The following GLP2R variants were observed in gnomAD, a reference collection of about 807,000 sequenced individuals.
GLP2R encodes glucagon like peptide 2 receptor, also known as glucagon-like peptide 2 receptor.
In GLP2R, 59 loss-of-function variants were observed where a neutral mutation model predicts 68.2. The ratio of observed to expected loss-of-function variants is 0.87; its 90% CI spans 0.70 to 1.07. The LOEUF (loss-of-function observed/expected upper bound fraction) is 1.07. Ranked by LOEUF, GLP2R falls within the 50% of genes least tolerant of loss-of-function variation. GLP2R has a pLI of 0.00. For missense variants in GLP2R, 548 were observed against 677.4 expected, an observed-to-expected ratio of 0.81 and a Z score of 2.12; for synonymous variants, 270 against 265.4, an observed-to-expected ratio of 1.02 and a Z score of -0.17.
intron 3 of GLP2R, among the ~76,000 whole-genome samples, chr17:9,841,840 A>G (rs2066790071): frequency 6.6e-6 from 1 of 152,194 alleles, no homozygotes. Flanking sequence ...TTGCAAGCTC[A>G]GCCTCTAATC....
At chr17:9,836,206 C>T (rs1261516308) in intron 2 of GLP2R, among the ~76,000 whole-genome samples, 165 bp from the exon 3 acceptor site, 2 of 152,216 alleles carry the variant, frequency 1.3e-5, no homozygotes, top group African/African-American at 4.8e-5. Flanking sequence ...CAAATCATTC[C>T]CCATCCTTGA....
intron 1 of GLP2R, among the ~76,000 whole-genome samples, chr17:9,828,996 T>A (rs907052000): frequency 7.9e-5 from 12 of 152,224 alleles, no homozygotes; most frequent in African/African-American, 2.9e-4. Flanking sequence ...TAGATGTTTA[T>A]ATTACAAGGC....
At chr17:9,873,752 A>G (rs2067119421) in intron 10 of GLP2R, among the ~76,000 whole-genome samples, 1 of 152,004 alleles carries the variant, frequency 6.6e-6, no homozygotes, top group African/African-American at 2.4e-5. Flanking sequence ...TGTTCTATTG[A>G]AAGAACACAT....
At chr17:9,875,798 C>A (rs775337613) in intron 10 of GLP2R, among the ~76,000 whole-genome samples, 55 of 152,332 alleles carry the variant, frequency 3.6e-4, no homozygotes, top group Middle Eastern at 3.4e-3. Context: ...CTCTCTTCCC[C>A]TAGATAAAGG....
At chr17:9,871,343 CAA>C (rs34449375) in intron 10 of GLP2R, among the ~76,000 whole-genome samples, 144 of 95,622 alleles carry the variant, frequency 1.5e-3, no homozygotes, top group Admixed American at 1.6e-3. Context: ...GACCCTGTCT[CAA>C]AAAAAAAAAA....
intron 10 of GLP2R, among the ~76,000 whole-genome samples, chr17:9,876,752 C>G (rs2067145395): frequency 6.6e-6 from 1 of 152,274 alleles, no homozygotes; most frequent in Admixed American, 6.5e-5. Context: ...TTTGGAGTAC[C>G]ACGTTCTGAA....
intron 10 of GLP2R, among the ~76,000 whole-genome samples, chr17:9,873,431 C>T (rs772148466): frequency 6.6e-6 from 1 of 152,134 alleles, no homozygotes; most frequent in Non-Finnish European, 1.5e-5. Flanking sequence ...GTGAGCCCTA[C>T]CACTGGGTAT....
chr17:9,887,954 A>AT lies in GLP2R; in HGVS notation c.1308dup (p.Gly437TrpfsTer10). On this transcript the variant is annotated frameshift_variant, in exon 12 of 13. Transcript: ENST00000262441. LOFTEE classifies it low-confidence loss of function (END_TRUNC). Reference sequence around the variant, plus strand: ...CAGGGGTTCCTGGTGGCCTTGCAGTATGGTTTTGCCAATGGAGAGGTATGA... The same window carrying AT: ...CAGGGGTTCCTGGTGGCCTTGCAGTATTGGTTTTGCCAATGGAGAGGTATGA... 1.9e-6 allele frequency: 3 copies of AT among 1,612,534 alleles called. No individual in the cohort carries two copies. Among genetic ancestry groups the AT allele is most frequent in the Non-Finnish European group, 2.5e-6 (3 of 1,178,624 alleles).
chr17:9,864,523 TTTG>T (rs1238644311), intron 9 of GLP2R, among the ~76,000 whole-genome samples: 1 of 152,034 alleles, frequency 6.6e-6, no homozygotes, highest in East Asian at 1.9e-4. Context: ...TGTTTTGTTT[TTTG>T]TTTTTTGTTT....
At chr17:9,877,854 G>A (rs1326023732) in intron 10 of GLP2R, among the ~76,000 whole-genome samples, 6 of 145,282 alleles carry the variant, frequency 4.1e-5, no homozygotes, top group Non-Finnish European at 9.0e-5. Flanking sequence ...TCCAGCCTGG[G>A]CGACAGAACG....
intron 11 of GLP2R, among the ~76,000 whole-genome samples, chr17:9,884,779 T>G (rs1278824521): frequency 6.6e-6 from 1 of 152,178 alleles, no homozygotes; most frequent in Non-Finnish European, 1.5e-5. Flanking sequence ...AACATGTTTA[T>G]TTCAGTCTTT....
intron 4 of GLP2R, chr17:9,852,863 G>T: frequency 2.5e-6 from 1 of 400,002 alleles, no homozygotes; most frequent in Non-Finnish European, 4.7e-6. Context: ...AATTTTTTCT[G>T]TGGAAACTTG....
At chr17:9,884,975 T>A (rs1360073713) in intron 11 of GLP2R, among the ~76,000 whole-genome samples, 1 of 152,030 alleles carries the variant, frequency 6.6e-6, no homozygotes, top group Non-Finnish European at 1.5e-5. Flanking sequence ...GATCACCTGA[T>A]CTCACTCACC....
chr17:9,878,055 T>C (rs2152047013), intron 10 of GLP2R, among the ~76,000 whole-genome samples: 1 of 152,292 alleles, frequency 6.6e-6, no homozygotes, highest in African/African-American at 2.4e-5. Flanking sequence ...GGTCTGCTTG[T>C]AGGCATATAA....
Position 9,861,508 on chromosome 17 carries a change from TAAAC to T in GLP2R, c.986+317_986+320del, listed in dbSNP as rs1280561326. Among the ~76,000 whole-genome samples, 3 of 152,158 alleles carry T rather than the reference TAAAC, an allele frequency of 2.0e-5. No homozygotes were observed. The East Asian group carries it at 5.8e-4, about 29-fold the overall frequency. ...TAGTGAGAAAAAAAATTAACAAAAC[TAAAC>T]AAACAAAAAACCACTGAATGCTCAT... On this transcript the variant is annotated intron_variant, in intron 8 of 12. Transcript: ENST00000262441.
intron 7 of GLP2R, 78 bp from the exon 8 acceptor site, chr17:9,861,061 G>C: frequency 1.0e-6 from 1 of 971,450 alleles, no homozygotes; most frequent in Non-Finnish European, 1.7e-6. Flanking sequence ...CCTGTGGTTA[G>C]CCTCATCCGC....
At chr17:9,838,364 G>T (rs1226439421) in intron 3 of GLP2R, among the ~76,000 whole-genome samples, 1 of 152,172 alleles carries the variant, frequency 6.6e-6, no homozygotes, top group Non-Finnish European at 1.5e-5. Flanking sequence ...AGGGTGCGTC[G>T]CACAGCTGCC....
At chr17:9,850,263 A>G (rs761123484) in intron 4 of GLP2R, among the ~76,000 whole-genome samples, 1 of 152,180 alleles carries the variant, frequency 6.6e-6, no homozygotes, top group Non-Finnish European at 1.5e-5. Context: ...TTTGTTAGAG[A>G]CCTTAATGTA....
rs2152052375 is a variant in GLP2R at position 9,890,863 on chromosome 17, T to C, written c.*1158T>C. On this transcript the variant is annotated 3_prime_UTR_variant, in exon 13 of 13. Transcript: ENST00000262441. Reference sequence around the variant, plus strand: ...ATCCACCAGCCTGTGGGATCTTTCCTGCCTACTGTGACCCATGGAGGCTGA... The same window carrying C: ...ATCCACCAGCCTGTGGGATCTTTCCCGCCTACTGTGACCCATGGAGGCTGA... 6.6e-6 allele frequency: 1 copy of C among 152,442 alleles called. No individual in the cohort carries two copies. Among genetic ancestry groups the C allele is most frequent in the South Asian group, 2.1e-4 (1 of 4,822 alleles). 9.4% of individuals were successfully genotyped at this position (152,442 alleles called of 1,614,324 possible). A position where few individuals can be genotyped will look rare whatever the true frequency, so the allele number is the denominator to read the frequency against.
Sources: allele counts gnomAD v4.1 joint callset (sites outside exome capture counted in the v4.1 genomes callset), GRCh38; gene constraint gnomAD v4.1.1; transcripts MANE v1.5; gene names NCBI Gene and HGNC (gene_info 2026-07-23, HGNC 2026-07-21).